Variants in TMEM131L observed in about 807,000 individuals in gnomAD.
TMEM131L encodes transmembrane 131 like.
In TMEM131L, 54 loss-of-function variants were observed where a neutral mutation model predicts 192.2. The ratio of observed to expected loss-of-function variants is 0.28; its 90% CI spans 0.23 to 0.35. The LOEUF (loss-of-function observed/expected upper bound fraction) is 0.35, where lower values mean the gene tolerates loss of function less well. Ranked by LOEUF, TMEM131L falls within the 10% of genes least tolerant of loss-of-function variation. TMEM131L has a pLI of 1.00. For synonymous variants in TMEM131L, 701 were observed against 704.9 expected, an observed-to-expected ratio of 0.99 and a Z score of 0.09; for missense variants, 1,888 against 1,972.9, an observed-to-expected ratio of 0.96 and a Z score of 0.82.
At chr4:153,539,427 A>AT (rs1736595054) in intron 3 of TMEM131L, among the ~76,000 whole-genome samples, 1 of 151,982 alleles carries the variant, frequency 6.6e-6, no homozygotes, top group South Asian at 2.1e-4. Flanking sequence ...AATGGACAGC[A>AT]TGAAACTTCA....
At chr4:153,605,758 G>A (rs1732187996) in intron 25 of TMEM131L, among the ~76,000 whole-genome samples, 1 of 152,150 alleles carries the variant, frequency 6.6e-6, no homozygotes, top group African/African-American at 2.4e-5. Flanking sequence ...CTTGATATTG[G>A]AGAAGAGGTA....
At chr4:153,587,864 A>G (rs902980366) in intron 15 of TMEM131L, 53 bp downstream of exon 15, 1 of 1,213,198 alleles carries the variant, frequency 8.2e-7, no homozygotes, top group East Asian at 2.3e-5. Flanking sequence ...GGGGATGGGA[A>G]ATAGTGAGGA....
rs1161447149 is a variant in TMEM131L, at chr4:153,584,840, A to G, written c.1066A>G (p.Thr356Ala). The G allele has an allele frequency of 1.2e-6, 2 of 1,612,570 alleles. No individual in the cohort carries two copies. The highest frequency in any genetic ancestry group is 1.3e-5 in the African/African-American group (1 of 74,926). The change falls in exon 12 of 35, where the codon ACA (threonine) becomes GCA (alanine). Residue 356 changes from threonine to alanine, a missense_variant. Coordinates refer to ENST00000409959, the MANE Select transcript of TMEM131L (RefSeq NM_001131007.2). The part of the protein sequence containing the change: ...KIASFTCKAA[T>A]SCDSGIIEDV... ...TATTTCTTTATACCACAAAGCAGCT[A>G]CATCATGTGACAGTGGAATTATAGA...
chr4:153,466,427 C>T lies in TMEM131L; in HGVS notation c.30C>T (p.Gly10=). The change falls in exon 1 of 35, where the codon GGC becomes GGT. Residue 10 remains glycine, a synonymous_variant. Coordinates refer to ENST00000409959, the MANE Select transcript of TMEM131L (RefSeq NM_001131007.2). ...CGGGGCTCCGACGCCCGCAGCCCGGCTGCTACTGCCGCACCGCGGCGGCCG... is the reference window on the plus strand; with the variant it reads ...CGGGGCTCCGACGCCCGCAGCCCGGTTGCTACTGCCGCACCGCGGCGGCCG... The part of the protein sequence containing the change: MAGLRRPQP[G]CYCRTAAAVN... 1 of 1,390,968 alleles carries T rather than the reference C, an allele frequency of 7.2e-7. No homozygotes were observed. Among genetic ancestry groups the T allele is most frequent in the Non-Finnish European group, 9.4e-7 (1 of 1,064,886 alleles). The allele number at this position is 1,390,968 out of a possible 1,614,324, so 86.2% of individuals were successfully genotyped here.
At chr4:153,601,951 C>T in intron 21 of TMEM131L, 1 of 355,316 alleles carries the variant, frequency 2.8e-6, no homozygotes, top group East Asian at 4.6e-5. Flanking sequence ...ACTTAAGTAT[C>T]TCTGTTATAT....
At chr4:153,526,099 C>T (rs939215171) in intron 3 of TMEM131L, among the ~76,000 whole-genome samples, 10 of 151,042 alleles carry the variant, frequency 6.6e-5, no homozygotes, top group African/African-American at 2.2e-4. Flanking sequence ...TCTCATGATC[C>T]GCCCACCTCG....
At chr4:153,620,001 T>C (rs28631003) in intron 26 of TMEM131L, among the ~76,000 whole-genome samples, 4,954 of 152,228 alleles carry the variant, frequency 0.033, 259 homozygotes, top group African/African-American at 0.11. Context: ...CCACTGACAG[T>C]GTCTCTGTTT....
At chr4:153,589,434 A>G (rs1465812273) in intron 16 of TMEM131L, among the ~76,000 whole-genome samples, 1 of 152,196 alleles carries the variant, frequency 6.6e-6, no homozygotes, top group African/African-American at 2.4e-5. Context: ...CTAAGTGACT[A>G]GCAGGCAGGT....
In TMEM131L at chr4:153,501,268, C is replaced by T. The variant is rs867308889; in HGVS notation, c.239+27380C>T. Among the ~76,000 whole-genome samples the T allele has an allele frequency of 1.1e-4, 16 of 146,976 alleles. 1 individual carries two copies. Among genetic ancestry groups the T allele is most frequent in the Admixed American group, 9.6e-4 (14 of 14,562 alleles). ...TCACCCAGGCTGGAGTGCAGTGGCGCGATCTTGGCTCACTGCAACCTCTGC... is the reference window on the plus strand; with the variant it reads ...TCACCCAGGCTGGAGTGCAGTGGCGTGATCTTGGCTCACTGCAACCTCTGC... On this transcript the variant is annotated intron_variant, in intron 3 of 34. Transcript: ENST00000409959.
At chr4:153,532,823 G>A (rs541149047) in intron 3 of TMEM131L, among the ~76,000 whole-genome samples, 3 of 152,120 alleles carry the variant, frequency 2.0e-5, no homozygotes, top group South Asian at 4.2e-4. Flanking sequence ...TAGTTGCTGG[G>A]TTCATGTACC....
intron 3 of TMEM131L, among the ~76,000 whole-genome samples, chr4:153,490,953 C>CAA (rs3040164): frequency 5.7e-4 from 47 of 81,792 alleles, no homozygotes; most frequent in African/African-American, 8.7e-4. Flanking sequence ...GACTCTGTCT[C>CAA]AAAAAAAAAA....
At chr4:153,563,181 A>G (rs1728954213) in intron 7 of TMEM131L, among the ~76,000 whole-genome samples, 1 of 152,360 alleles carries the variant, frequency 6.6e-6, no homozygotes, top group South Asian at 2.1e-4. Flanking sequence ...TGCTTGACTC[A>G]TCCATCTGTG....
At chr4:153,626,967 T>A (rs1349158062) in intron 30 of TMEM131L, among the ~76,000 whole-genome samples, 1 of 152,126 alleles carries the variant, frequency 6.6e-6, no homozygotes, top group Non-Finnish European at 1.5e-5. Flanking sequence ...CAAGTACAAT[T>A]TATTGAGTGA....
At chr4:153,598,893 A>G (rs1017119178) in intron 21 of TMEM131L, among the ~76,000 whole-genome samples, 161 bp downstream of exon 21, 1 of 152,208 alleles carries the variant, frequency 6.6e-6, no homozygotes, top group Non-Finnish European at 1.5e-5. Context: ...TTAGGCAAAC[A>G]TTTGTGCATA....
intron 7 of TMEM131L, among the ~76,000 whole-genome samples, chr4:153,576,268 T>C (rs939076860): frequency 1.3e-5 from 2 of 152,178 alleles, no homozygotes; most frequent in African/African-American, 4.8e-5. Context: ...CCCAATTGTT[T>C]TGTTCTTTTG....
chr4:153,588,188 G>C (rs1342217320), intron 15 of TMEM131L, among the ~76,000 whole-genome samples: 1 of 151,484 alleles, frequency 6.6e-6, no homozygotes, highest in Non-Finnish European at 1.5e-5. Flanking sequence ...AGTTATAGGA[G>C]TGTAAACATC....
Position 153,545,290 on chromosome 4 carries a change from C to CTTTTTTT in TMEM131L, c.240-4774_240-4768dup, listed in dbSNP as rs59852943. On this transcript the variant is annotated intron_variant, in intron 3 of 34. Transcript: ENST00000409959. ...CTCTTGTATCAGCCACTTTTTCAAA[C>CTTTTTTT]TTTTTTTTTTTTTTTGAGATGGAGT... 3.0e-3 allele frequency among the ~76,000 whole-genome samples: 394 copies of CTTTTTTT among 132,306 alleles called. 17 individuals carry two copies. Among genetic ancestry groups the CTTTTTTT allele is most frequent in the African/African-American group, 6.8e-3 (228 of 33,528 alleles). The allele number at this position is 132,306 out of a possible 152,430, so 86.8% of individuals were successfully genotyped here.
chr4:153,567,268 C>G (rs1729274962), intron 7 of TMEM131L, among the ~76,000 whole-genome samples: 1 of 152,094 alleles, frequency 6.6e-6, no homozygotes, highest in African/African-American at 2.4e-5. Flanking sequence ...TAGAGCTGTC[C>G]CATTTTCCTG....
At chr4:153,583,011 GA>G (rs79074609) in intron 9 of TMEM131L, among the ~76,000 whole-genome samples, 178 bp from the exon 10 acceptor site, 16 of 131,180 alleles carry the variant, frequency 1.2e-4, no homozygotes, top group Admixed American at 2.3e-4. Flanking sequence ...GATTAAAAAA[GA>G]AAAAAAAAAA....
Sources: allele counts gnomAD v4.1 joint callset (sites outside exome capture counted in the v4.1 genomes callset), GRCh38; gene constraint gnomAD v4.1.1; transcripts MANE v1.5; gene names NCBI Gene and HGNC (gene_info 2026-07-23, HGNC 2026-07-21).